RPGRIP1L: variants seen among roughly 807,000 people sequenced by gnomAD.
RPGRIP1L encodes protein fantom.
Under a neutral mutation model 160.4 loss-of-function variants are expected in RPGRIP1L, and 131 were observed. The ratio of observed to expected loss-of-function variants is 0.82; its 90% CI spans 0.71 to 0.94. The LOEUF (loss-of-function observed/expected upper bound fraction) is 0.94, where lower values mean the gene tolerates loss of function less well. Ranked by LOEUF, RPGRIP1L falls within the 40% of genes least tolerant of loss-of-function variation. The pLI, the probability that RPGRIP1L is intolerant of heterozygous loss-of-function variation, is 0.00. For synonymous variants in RPGRIP1L, 510 were observed against 515.8 expected (o/e 0.99, Z 0.15); for missense variants, 1,522 against 1,535.8 (o/e 0.99, Z 0.15).
chr16:53,602,087 A>G lies in RPGRIP1L; in HGVS notation c.3937T>C (p.Leu1313=). The G allele has an allele frequency of 6.2e-7, 1 of 1,609,230 alleles. No homozygotes were observed. Among genetic ancestry groups the G allele is most frequent in the East Asian group, 2.2e-5 (1 of 44,850 alleles). ...TGGAGCATTTGCTTTCAAGCCTCCAAGTCATCTCTGTATTGCTTGTAGACA... is the reference window on the plus strand; with the variant it reads ...TGGAGCATTTGCTTTCAAGCCTCCAGGTCATCTCTGTATTGCTTGTAGACA... ...QSVYKQYRDD[L]EA is the part of the protein sequence containing the mutation. Residue 1313 remains leucine, a synonymous_variant, in exon 27 of 27, where the codon TTG becomes CTG. Coordinates refer to ENST00000647211, the MANE Select transcript of RPGRIP1L (RefSeq NM_015272.5).
intron 10 of RPGRIP1L, among the ~76,000 whole-genome samples, chr16:53,664,195 A>T (rs1456462727): frequency 1.9e-4 from 29 of 152,200 alleles, no homozygotes. Context: ...TAAAATTCAG[A>T]CTTCTTTAAT....
intron 22 of RPGRIP1L, among the ~76,000 whole-genome samples, chr16:53,629,844 G>C (rs1965411874): frequency 1.3e-5 from 2 of 152,186 alleles, no homozygotes; most frequent in East Asian, 1.9e-4. Context: ...ATATGTAAAC[G>C]AACGGGTGGC....
chr16:53,665,146 G>T, intron 9 of RPGRIP1L, 137 bp from the exon 10 acceptor site: 3 of 1,125,244 alleles, frequency 2.7e-6, no homozygotes, highest in Non-Finnish European at 2.6e-6. Context: ...CTGGTCTGCT[G>T]CTGTTGAAAC....
rs1306420085 is a variant in RPGRIP1L at position 53,686,414 on chromosome 16, T to C, written c.776+19A>G. ...ACTAATTTTGACCTTATCAAAGTGA[T>C]ATTTCTGTTTTAACATACCTTTGAT... On this transcript the variant is annotated intron_variant, in intron 6 of 26. Transcript: ENST00000647211. 2 of 1,610,710 alleles carry C rather than the reference T, an allele frequency of 1.2e-6. No homozygotes were observed. Among genetic ancestry groups the C allele is most frequent in the East Asian group, 2.2e-5 (1 of 44,816 alleles).
intron 9 of RPGRIP1L, among the ~76,000 whole-genome samples, chr16:53,667,385 T>C (rs1036189985): frequency 6.6e-6 from 1 of 152,204 alleles, no homozygotes; most frequent in Non-Finnish European, 1.5e-5. Flanking sequence ...ATTTGTTCAA[T>C]GTTCAAGGGC....
intron 14 of RPGRIP1L, 46 bp from the exon 15 acceptor site, chr16:53,653,033 G>A: frequency 6.6e-7 from 1 of 1,514,762 alleles, no homozygotes; most frequent in South Asian, 1.1e-5. Context: ...ATATTGACAT[G>A]AGAAAATGAA....
chr16:53,701,281 C>T lies in RPGRIP1L; in HGVS notation c.-7-551G>A, dbSNP rs138735307. Among the ~76,000 whole-genome samples, 293 of 152,098 alleles carry T rather than the reference C, an allele frequency of 1.9e-3. 2 individuals are homozygous for T. The highest frequency in any genetic ancestry group is 6.7e-3 in the African/African-American group (277 of 41,462). On this transcript the variant is annotated intron_variant, in intron 1 of 26. Transcript: ENST00000647211. The stretch of plus-strand genomic sequence containing the variant: ...TTGATGTACAAATGAGTGGGCAGTT[C>T]TGTGCATTTTGTGAGTTTTGTGAAA...
rs1467277908 is a variant in RPGRIP1L at position 53,638,411 on chromosome 16, C to T, written c.2959G>A (p.Glu987Lys). ...FVDIMPHQSD[E>K]TSPPPEDRKE... Reference sequence around the variant, plus strand: ...CTATCTTCAGGAGGAGGAGAAGTCTCCTTATATTAATGTGAAAACACGCAT... The same window carrying T: ...CTATCTTCAGGAGGAGGAGAAGTCTTCTTATATTAATGTGAAAACACGCAT... The change falls in exon 20 of 27, where the codon GAG becomes AAG. Residue 987 changes from glutamate to lysine, a missense_variant and splice_region_variant. Glu to Lys is a moderately conservative substitution (Grantham distance 56, BLOSUM62 1). Transcript: ENST00000647211. 6.7e-6 allele frequency: 10 copies of T among 1,491,110 alleles called. No homozygotes were observed. The highest frequency in any genetic ancestry group is 9.4e-6 in the Non-Finnish European group (10 of 1,068,894). 92.4% of individuals were successfully genotyped at this position (1,491,110 alleles called of 1,614,324 possible).
intron 26 of RPGRIP1L, among the ~76,000 whole-genome samples, chr16:53,602,447 C>G (rs189757086): frequency 6.6e-6 from 1 of 152,056 alleles, no homozygotes; most frequent in African/African-American, 2.4e-5. Flanking sequence ...CTAGTGAAAG[C>G]GTCTAGGATA....
intron 3 of RPGRIP1L, chr16:53,693,821 T>G (rs1339211429): frequency 6.6e-6 from 1 of 152,188 alleles, no homozygotes; most frequent in African/African-American, 2.4e-5. Context: ...AGTAAGGTTG[T>G]CATATGAATG....
chr16:53,602,045 G>T lies in RPGRIP1L; in HGVS notation c.*31C>A. On this transcript the variant is annotated 3_prime_UTR_variant, in exon 27 of 27. Coordinates refer to ENST00000647211, the MANE Select transcript of RPGRIP1L (RefSeq NM_015272.5). ...GAACTTTCATGTGAGCATTTACTGA[G>T]GAGTAGGAGATGCCTCTGGAGCATT... The T allele has an allele frequency of 8.1e-7, 1 of 1,231,390 alleles. No homozygotes were observed. Among genetic ancestry groups the T allele is most frequent in the Non-Finnish European group, 1.2e-6 (1 of 834,392 alleles). 76.3% of individuals were successfully genotyped at this position (1,231,390 alleles called of 1,614,324 possible). A position where few individuals can be genotyped will look rare whatever the true frequency, so the allele number is the denominator to read the frequency against.
At chr16:53,683,702 AAAAG>A (rs1157339140) in intron 6 of RPGRIP1L, among the ~76,000 whole-genome samples, 1 of 150,608 alleles carries the variant, frequency 6.6e-6, no homozygotes, top group African/African-American at 2.4e-5. Context: ...AAAAAAAAAA[AAAAG>A]AAAAAAATCC....
rs993807963 is a variant in RPGRIP1L, at chr16:53,612,472, CT to C, written c.3617-1422del. ...GCCAGTACACAACGCTAAAGGGGAACTTTTTTTCCAAATGGGATTTTTTTTT... is the reference window on the plus strand; with the variant it reads ...GCCAGTACACAACGCTAAAGGGGAACTTTTTTCCAAATGGGATTTTTTTTT... On this transcript the variant is annotated intron_variant, in intron 24 of 26. Transcript: ENST00000647211. Among the ~76,000 whole-genome samples the C allele has an allele frequency of 2.1e-3, 307 of 145,324 alleles. 1 individual carries two copies. The highest frequency in any genetic ancestry group is 3.5e-3 in the Non-Finnish European group (236 of 66,820).
At chr16:53,673,057 C>A in intron 7 of RPGRIP1L, 41 bp from the exon 8 acceptor site, 2 of 1,557,840 alleles carry the variant, frequency 1.3e-6, no homozygotes, top group Non-Finnish European at 1.8e-6. Flanking sequence ...TTATTTTTGA[C>A]TAAATGATTA....
At chr16:53,631,871 TA>T (rs1965542115) in intron 22 of RPGRIP1L, among the ~76,000 whole-genome samples, 1 of 152,160 alleles carries the variant, frequency 6.6e-6, no homozygotes, top group Admixed American at 6.5e-5. Context: ...CGAAGAAAGA[TA>T]GGGGCAAATT....
intron 6 of RPGRIP1L, among the ~76,000 whole-genome samples, 178 bp from the exon 7 acceptor site, chr16:53,675,300 A>G (rs1171374471): frequency 6.6e-6 from 1 of 152,168 alleles, no homozygotes; most frequent in East Asian, 1.9e-4. Flanking sequence ...ATTATTTAAA[A>G]CAAACCAATA....
At chr16:53,665,397 A>G (rs1349745529) in intron 9 of RPGRIP1L, among the ~76,000 whole-genome samples, 2 of 152,196 alleles carry the variant, frequency 1.3e-5, no homozygotes, top group African/African-American at 4.8e-5. Context: ...TACAGAGAAA[A>G]TGGACTTTCC....
chr16:53,649,149 G>C, intron 15 of RPGRIP1L, 34 bp from the exon 16 acceptor site: 1 of 1,588,612 alleles, frequency 6.3e-7, no homozygotes, highest in African/African-American at 1.3e-5. Flanking sequence ...GGTTAAAATA[G>C]TTTCATACAT....
intron 9 of RPGRIP1L, among the ~76,000 whole-genome samples, chr16:53,669,595 T>A (rs904272416): frequency 3.9e-5 from 6 of 152,160 alleles, no homozygotes; most frequent in African/African-American, 1.4e-4. Context: ...CCCAGGTAAG[T>A]TTGATTTTTT....
Sources: gnomAD v4.1 joint callset for allele counts (sites outside exome capture counted in the v4.1 genomes callset) on GRCh38, gnomAD v4.1.1 for gene constraint, MANE v1.5 for transcripts, NCBI Gene and HGNC (gene_info 2026-07-23, HGNC 2026-07-21) for gene names.